The following PUDP variants were observed in gnomAD, a reference collection of about 807,000 sequenced individuals.
PUDP encodes the protein pseudouridine 5'-phosphatase.
A neutral mutation model predicts 9.4 loss-of-function variants in PUDP; 8 were observed. That is an observed-to-expected ratio of 0.85 (90% CI 0.50 to 1.53). PUDP has a LOEUF of 1.53. Ranked by LOEUF, PUDP falls within the 40% of genes most tolerant of loss-of-function variation. The pLI is 0.00. For missense variants in PUDP, 188 were observed against 189.7 expected (o/e 0.99, Z 0.05); for synonymous variants, 99 against 80.7 (o/e 1.23, Z -1.22).
intron 3 of PUDP, among the ~76,000 whole-genome samples, chrX:6,898,624 C>G (rs947616578): frequency 6.2e-5 from 7 of 112,079 alleles, no homozygotes; most frequent in African/African-American, 2.3e-4. Flanking sequence ...GGGTCTGTGT[C>G]AAAGTATTCC....
At chrX:7,140,445 T>C (rs777899864) in intron 1 of PUDP, among the ~76,000 whole-genome samples, 12 of 111,487 alleles carry the variant, frequency 1.1e-4, no homozygotes, top group Non-Finnish European at 2.3e-4. Flanking sequence ...AGCATCTATA[T>C]AAGGAGTGCT....
intron 3 of PUDP, among the ~76,000 whole-genome samples, chrX:6,903,602 G>A (rs755218791): frequency 2.1e-4 from 23 of 111,384 alleles, no homozygotes; most frequent in African/African-American, 6.5e-4. Context: ...GGAATACTAC[G>A]CAGCCAGAAA....
chrX:6,904,784 A>G (rs1345875658), intron 3 of PUDP, among the ~76,000 whole-genome samples: 1 of 112,505 alleles, frequency 8.9e-6, no homozygotes, highest in African/African-American at 3.2e-5. Context: ...CCAGGACACC[A>G]GCAGTACAGA....
At chrX:6,938,384 CA>C (rs1193098298) in intron 3 of PUDP, among the ~76,000 whole-genome samples, 3 of 62,491 alleles carry the variant, frequency 4.8e-5, no homozygotes, top group Non-Finnish European at 8.8e-5. Context: ...ATCGCAAGAA[CA>C]AAAAACCAAA....
chrX:6,806,308 G>A (rs56830569), intron 3 of PUDP, among the ~76,000 whole-genome samples: 41,891 of 109,497 alleles, frequency 0.38, 6,827 homozygotes, highest in East Asian at 0.74. Context: ...GAGTAGACTC[G>A]GTGAAATTTA....
At chrX:7,018,265 A>G (rs1470708454) in intron 1 of PUDP, among the ~76,000 whole-genome samples, 1 of 112,024 alleles carries the variant, frequency 8.9e-6, no homozygotes, top group Non-Finnish European at 1.9e-5. Context: ...GCGAGATCCA[A>G]GAACCCTCTC....
At chrX:6,864,445 C>T (rs950407793) in intron 3 of PUDP, among the ~76,000 whole-genome samples, 2 of 112,025 alleles carry the variant, frequency 1.8e-5, no homozygotes. Flanking sequence ...TAACACTTGC[C>T]AAGGAATGTC....
At chrX:7,147,707 G>A (rs1932899639) in intron 1 of PUDP, among the ~76,000 whole-genome samples, 1 of 111,826 alleles carries the variant, frequency 8.9e-6, no homozygotes, top group Non-Finnish European at 1.9e-5. Context: ...GTCCCGCCGC[G>A]CCTCGCTCTG....
At chrX:6,888,796 C>T (rs1927469445) in intron 3 of PUDP, among the ~76,000 whole-genome samples, 1 of 112,037 alleles carries the variant, frequency 8.9e-6, no homozygotes. Flanking sequence ...TGGCAGAGGA[C>T]AGAAACCTCA....
intron 3 of PUDP, among the ~76,000 whole-genome samples, chrX:6,965,526 C>T (rs2146790095): frequency 8.9e-6 from 1 of 111,943 alleles, no homozygotes; most frequent in South Asian, 3.7e-4. Context: ...TGAGCTCAGT[C>T]GCCTCATATA....
chrX:7,054,279 G>A (rs1180834578), intron 3 of PUDP, among the ~76,000 whole-genome samples: 1 of 111,286 alleles, frequency 9.0e-6, no homozygotes, highest in African/African-American at 3.3e-5. Flanking sequence ...GCATGGTGGC[G>A]CATGCCTGTA....
At chrX:7,116,586 C>T (rs1932199297) in intron 1 of PUDP, among the ~76,000 whole-genome samples, 1 of 111,825 alleles carries the variant, frequency 8.9e-6, no homozygotes, top group African/African-American at 3.3e-5. Context: ...TCCTGCATCC[C>T]TTACCACATG....
intron 3 of PUDP, among the ~76,000 whole-genome samples, chrX:6,858,685 A>G (rs1001794630): frequency 1.4e-4 from 16 of 111,721 alleles, no homozygotes; most frequent in Non-Finnish European, 9.4e-5. Context: ...AGTAAGTTCT[A>G]GTGAATTACA....
intron 3 of PUDP, among the ~76,000 whole-genome samples, chrX:6,883,159 G>A (rs1251800074): frequency 1.8e-5 from 2 of 111,931 alleles, no homozygotes; most frequent in African/African-American, 6.5e-5. Context: ...TTGATGGACT[G>A]CATCAATCAC....
chrX:6,742,690 G>T (rs1348518020), intron 3 of PUDP, among the ~76,000 whole-genome samples: 1 of 111,932 alleles, frequency 8.9e-6, no homozygotes, highest in Non-Finnish European at 1.9e-5. Context: ...TGGGAGGATC[G>T]TGTAAGACCA....
intron 3 of PUDP, among the ~76,000 whole-genome samples, chrX:7,052,492 C>A (rs982414732): frequency 3.6e-5 from 4 of 112,206 alleles, no homozygotes; most frequent in Non-Finnish European, 7.5e-5. Context: ...GTAGAAAACA[C>A]TGAAACACAC....
intron 3 of PUDP, among the ~76,000 whole-genome samples, chrX:6,871,443 A>G (rs1273083775): frequency 1.8e-5 from 2 of 111,960 alleles, no homozygotes; most frequent in African/African-American, 6.5e-5. Flanking sequence ...TGTGGGGAAT[A>G]TATTTTGAAA....
intron 3 of PUDP, among the ~76,000 whole-genome samples, chrX:6,750,790 A>G (rs1004425564): frequency 8.9e-6 from 1 of 112,078 alleles, no homozygotes; most frequent in Non-Finnish European, 1.9e-5. Context: ...GGATATACAA[A>G]GATGATCTCT....
At chrX:6,882,055 C>T (rs1927355146) in intron 3 of PUDP, among the ~76,000 whole-genome samples, 1 of 104,574 alleles carries the variant, frequency 9.6e-6, no homozygotes, top group South Asian at 4.5e-4. Context: ...CTCACTGCAA[C>T]CTCTGCCTCC....
Sources: gnomAD v4.1 joint callset for allele counts (sites outside exome capture counted in the v4.1 genomes callset) on GRCh38, gnomAD v4.1.1 for gene constraint, MANE v1.5 for transcripts, NCBI Gene and HGNC (gene_info 2026-07-23, HGNC 2026-07-21) for gene names.